The following SLC2A5 variants were observed in gnomAD, a reference collection of about 807,000 sequenced individuals.
SLC2A5 encodes solute carrier family 2 member 5, also known as solute carrier family 2, facilitated glucose transporter member 5.
Under a neutral mutation model 50.3 loss-of-function variants are expected in SLC2A5, and 56 were observed. The ratio of observed to expected loss-of-function variants is 1.11; its 90% CI spans 0.90 to 1.39. SLC2A5 has a LOEUF of 1.39. Among genes scored for constraint, SLC2A5 ranks in the 40% most tolerant of loss-of-function variants. The probability of loss-of-function intolerance (pLI) is 0.00; values close to 1 mark genes in which losing one functional copy is unlikely to be tolerated. For synonymous variants in SLC2A5, 269 were observed against 281.9 expected, an observed-to-expected ratio of 0.95 and a Z score of 0.46; for missense variants, 566 against 650.1, an observed-to-expected ratio of 0.87 and a Z score of 1.41.
At chr1:9,084,743 C>A (rs753903679) in intron 2 of SLC2A5, among the ~76,000 whole-genome samples, 7 of 152,214 alleles carry the variant, frequency 4.6e-5, no homozygotes, top group Non-Finnish European at 1.0e-4. Context: ...GCATCGGCCA[C>A]ACCCTTGGGT....
the SLC2A5 span, among the ~76,000 whole-genome samples, chr1:9,093,768 T>C: frequency 6.6e-6 from 1 of 152,210 alleles, no homozygotes; most frequent in African/African-American, 2.4e-5. Context: ...TGTTCCTTTT[T>C]TTCGGAGACC....
intron 2 of SLC2A5, 140 bp downstream of exon 2, chr1:9,058,012 C>A: frequency 1.5e-6 from 1 of 657,232 alleles, no homozygotes; most frequent in Non-Finnish European, 2.8e-6. Context: ...TCCCTCGGGT[C>A]TGTGCTGTGT....
intron 1 of SLC2A5, among the ~76,000 whole-genome samples, chr1:9,087,712 G>T (rs917472392): frequency 3.3e-5 from 5 of 152,036 alleles, no homozygotes; most frequent in African/African-American, 9.7e-5. Context: ...CAATTAATCT[G>T]AAGGGGACTG....
At chr1:9,092,422 T>A (rs1294197901), upstream of SLC2A5, among the ~76,000 whole-genome samples, 1 of 152,186 alleles carries the variant, frequency 6.6e-6, no homozygotes, top group African/African-American at 2.4e-5. Context: ...AGTTTCCATA[T>A]ACACTTAACC....
At chr1:9,086,552 C>T (rs1406492287) in intron 1 of SLC2A5, among the ~76,000 whole-genome samples, 2 of 152,082 alleles carry the variant, frequency 1.3e-5, no homozygotes, top group African/African-American at 4.8e-5. Context: ...CCACGCCTGG[C>T]TAAGTTTTGT....
chr1:9,083,648 C>A (rs1166512804), intron 2 of SLC2A5, among the ~76,000 whole-genome samples: 6 of 151,842 alleles, frequency 4.0e-5, no homozygotes, highest in African/African-American at 7.3e-5. Flanking sequence ...AATGGTGAAA[C>A]CCCATCTCTG....
chr1:9,051,693 T>C (rs999936280), intron 3 of SLC2A5, among the ~76,000 whole-genome samples: 1 of 152,158 alleles, frequency 6.6e-6, no homozygotes, highest in East Asian at 1.9e-4. Flanking sequence ...CAAAATGATA[T>C]ATCTACTTTA....
At chr1:9,053,712 A>G (rs1385966060) in intron 3 of SLC2A5, among the ~76,000 whole-genome samples, 1 of 148,718 alleles carries the variant, frequency 6.7e-6, no homozygotes, top group Non-Finnish European at 1.5e-5. Context: ...CATCTCTACT[A>G]AAAATACTAA....
At chr1:9,075,111 G>A (rs1395789902) in intron 2 of SLC2A5, among the ~76,000 whole-genome samples, 1 of 152,098 alleles carries the variant, frequency 6.6e-6, no homozygotes, top group Non-Finnish European at 1.5e-5. Context: ...AGCACCAGGG[G>A]AAAGCAAAAG....
At chr1:9,074,002 C>G (rs1642254137), upstream of SLC2A5, among the ~76,000 whole-genome samples, 1 of 152,036 alleles carries the variant, frequency 6.6e-6, no homozygotes, top group Non-Finnish European at 1.5e-5. Flanking sequence ...ATCGCTTGAA[C>G]CCAGGTAGTG....
Position 9,069,486 on chromosome 1 carries a change from C to T in SLC2A5, c.33+18G>A, listed in dbSNP as rs1569909613. On this transcript the variant is annotated intron_variant, in intron 1 of 11. Coordinates refer to ENST00000377424, the MANE Select transcript of SLC2A5 (RefSeq NM_003039.3). ...GCCAAGCCTGCTCTTGGCCCCTTTC[C>T]CTGAGCAACACACTCACCCCTTCCT... The T allele has an allele frequency of 1.2e-6, 2 of 1,613,740 alleles. No homozygotes were observed. The highest frequency in any genetic ancestry group is 1.1e-5 in the South Asian group (1 of 91,036).
chr1:9,047,479 T>C (rs931206101), intron 4 of SLC2A5, 131 bp downstream of exon 4: 1 of 872,292 alleles, frequency 1.1e-6, no homozygotes, highest in Non-Finnish European at 1.8e-6. Flanking sequence ...CAACCATCTG[T>C]TTCACAGCAG....
intron 1 of SLC2A5, among the ~76,000 whole-genome samples, chr1:9,067,218 T>C (rs559977983): frequency 1.3e-5 from 2 of 152,302 alleles, no homozygotes; most frequent in Admixed American, 6.5e-5. Context: ...GATCGCTTCC[T>C]TCAGAGTGTT....
intron 2 of SLC2A5, among the ~76,000 whole-genome samples, chr1:9,075,283 A>G (rs1642270011): frequency 6.6e-6 from 1 of 152,130 alleles, no homozygotes; most frequent in Non-Finnish European, 1.5e-5. Context: ...TTTCACATCA[A>G]ACACCTCAAT....
At chr1:9,042,354 A>C (rs1641324374) in intron 4 of SLC2A5, among the ~76,000 whole-genome samples, 1 of 152,068 alleles carries the variant, frequency 6.6e-6, no homozygotes, top group Non-Finnish European at 1.5e-5. Flanking sequence ...TGGGGTCAGG[A>C]GTTTGAGACC....
rs1447951811 is a variant in SLC2A5, at chr1:9,060,199, T to C, written c.34-1949A>G. Among the ~76,000 whole-genome samples, 4 of 126,840 alleles carry C rather than the reference T, an allele frequency of 3.2e-5. No individual in the cohort carries two copies. In the South Asian group the frequency reaches 7.9e-4, roughly 25 times the overall value. 83.2% of individuals were successfully genotyped at this position (126,840 alleles called of 152,430 possible). A position where few individuals can be genotyped will look rare whatever the true frequency, so the allele number is the denominator to read the frequency against. On this transcript the variant is annotated intron_variant, in intron 1 of 11. Transcript: ENST00000377424. ...CACAATACACACACTACACACACAC[T>C]ACACACACGCCCCTCATGTAACAAA...
At position 9,037,372 on chromosome 1, in the gene SLC2A5, T is replaced by C; in HGVS notation, c.*214A>G. 1 of 550,394 alleles carries C rather than the reference T, an allele frequency of 1.8e-6. No homozygotes were observed. Among genetic ancestry groups the C allele is most frequent in the Non-Finnish European group, 3.3e-6 (1 of 307,016 alleles). The allele number at this position is 550,394 out of a possible 1,614,324, so 34.1% of individuals were successfully genotyped here. A position where few individuals can be genotyped will look rare whatever the true frequency, so the allele number is the denominator to read the frequency against. ...AGCTGTTTAATTGACTCGGGTCTGGTGACAGGCCAACATGGAGAGAGACAG... is the reference window on the plus strand; with the variant it reads ...AGCTGTTTAATTGACTCGGGTCTGGCGACAGGCCAACATGGAGAGAGACAG... On this transcript the variant is annotated 3_prime_UTR_variant, in exon 12 of 12. Transcript: ENST00000377424.
chr1:9,069,714 T>C (rs1052147672), upstream of SLC2A5: 2 of 663,564 alleles, frequency 3.0e-6, no homozygotes, highest in Non-Finnish European at 5.2e-6. Flanking sequence ...TTCCTTTCAC[T>C]TCTGCTTTTA....
chr1:9,056,277 C>T (rs1402953010), intron 3 of SLC2A5, among the ~76,000 whole-genome samples: 1 of 152,128 alleles, frequency 6.6e-6, no homozygotes. Context: ...CCTCCGCTTC[C>T]CAGGCTCAAG....
Sources: allele counts gnomAD v4.1 joint callset (sites outside exome capture counted in the v4.1 genomes callset), GRCh38; gene constraint gnomAD v4.1.1; transcripts MANE v1.5; gene names NCBI Gene and HGNC (gene_info 2026-07-23, HGNC 2026-07-21).